The following GRM7 variants were observed in gnomAD, a reference collection of about 807,000 sequenced individuals.
GRM7 encodes the protein metabotropic glutamate receptor 7.
In GRM7, 35 loss-of-function variants were observed where a neutral mutation model predicts 84.5. That is an observed-to-expected ratio of 0.41 (90% CI 0.32 to 0.55). GRM7 has a LOEUF of 0.55. Among genes scored for constraint, GRM7 ranks in the 20% least tolerant of loss-of-function variants. The probability of loss-of-function intolerance (pLI) is 0.19; values close to 1 mark genes in which losing one functional copy is unlikely to be tolerated. For missense variants in GRM7, 1,003 were observed against 1,194.6 expected (o/e 0.84, Z 2.36); for synonymous variants, 487 against 455.1 (o/e 1.07, Z -0.89).
chr3:7,364,916 CACTT>C (rs1216174142), intron 4 of GRM7, among the ~76,000 whole-genome samples: 2 of 151,878 alleles, frequency 1.3e-5, no homozygotes, highest in Non-Finnish European at 2.9e-5. Flanking sequence ...GCATCCTACT[CACTT>C]ACCTGGTTCG....
At chr3:7,181,998 G>C (rs1695353757) in intron 2 of GRM7, among the ~76,000 whole-genome samples, 2 of 152,060 alleles carry the variant, frequency 1.3e-5, no homozygotes, top group Admixed American at 1.3e-4. Flanking sequence ...ATTAACAATG[G>C]CCTTGGTACA....
chr3:7,455,440 C>T (rs1044910875), intron 6 of GRM7, among the ~76,000 whole-genome samples: 8 of 152,002 alleles, frequency 5.3e-5, no homozygotes, highest in Non-Finnish European at 7.4e-5. Context: ...GGAGATAGCA[C>T]GTAAAAGAGG....
intron 4 of GRM7, among the ~76,000 whole-genome samples, chr3:7,339,995 T>C (rs1451127766): frequency 6.6e-6 from 1 of 152,156 alleles, no homozygotes; most frequent in Non-Finnish European, 1.5e-5. Flanking sequence ...ATAACTTTCC[T>C]AAAAATCATT....
chr3:7,059,066 C>T (rs1396167005), intron 1 of GRM7, among the ~76,000 whole-genome samples: 1 of 151,744 alleles, frequency 6.6e-6, no homozygotes, highest in African/African-American at 2.4e-5. Context: ...AATGTTAGTA[C>T]AGGTCTTTGA....
At chr3:7,145,310 GA>G (rs1285875690) in intron 1 of GRM7, among the ~76,000 whole-genome samples, 2 of 152,050 alleles carry the variant, frequency 1.3e-5, no homozygotes, top group Admixed American at 1.3e-4. Flanking sequence ...ATTCTTACGT[GA>G]AAATTAATTG....
chr3:7,284,911 A>G (rs1246531273), intron 2 of GRM7, among the ~76,000 whole-genome samples: 2 of 152,168 alleles, frequency 1.3e-5, no homozygotes, highest in East Asian at 3.8e-4. Context: ...ATTAAAGGAT[A>G]CCCAATAAAA....
chr3:7,442,380 T>C (rs1697325226), intron 5 of GRM7, among the ~76,000 whole-genome samples: 1 of 152,188 alleles, frequency 6.6e-6, no homozygotes, highest in Non-Finnish European at 1.5e-5. Context: ...ATGGGTCTTA[T>C]AGGAATGAAT....
intron 1 of GRM7, among the ~76,000 whole-genome samples, chr3:6,883,722 CAAGAAGTGAGTGGTTATGGGAG>C (rs1344242795): frequency 6.6e-6 from 1 of 152,278 alleles, no homozygotes; most frequent in Non-Finnish European, 1.5e-5. Flanking sequence ...AGCTTCACAG[CAAGAAGTGAGTGGTTATGGGAG>C]CAGGAAATAG....
At chr3:7,223,985 T>C (rs1397868713) in intron 2 of GRM7, among the ~76,000 whole-genome samples, 2 of 152,250 alleles carry the variant, frequency 1.3e-5, no homozygotes, top group African/African-American at 4.8e-5. Context: ...ATCTGTTGAC[T>C]AAGGGATTAT....
intron 7 of GRM7, among the ~76,000 whole-genome samples, chr3:7,467,806 T>C (rs181780013): frequency 8.6e-5 from 13 of 151,274 alleles, no homozygotes; most frequent in African/African-American, 2.7e-4. Context: ...TAATCAAAAA[T>C]GGAAAAAAAG....
At chr3:7,335,687 G>A (rs957044673) in intron 4 of GRM7, among the ~76,000 whole-genome samples, 2 of 151,674 alleles carry the variant, frequency 1.3e-5, no homozygotes, top group African/African-American at 2.4e-5. Flanking sequence ...GAAGAGAGAA[G>A]ATCCAAATAA....
chr3:7,168,712 C>G (rs1460347428), intron 2 of GRM7, among the ~76,000 whole-genome samples: 2 of 152,154 alleles, frequency 1.3e-5, no homozygotes, highest in Non-Finnish European at 2.9e-5. Context: ...AACAATTTAG[C>G]TGCCATTTAC....
chr3:7,039,387 C>T (rs955419048), intron 1 of GRM7, among the ~76,000 whole-genome samples: 1 of 152,130 alleles, frequency 6.6e-6, no homozygotes, highest in Non-Finnish European at 1.5e-5. Flanking sequence ...ACAGGTATCA[C>T]GGATTAAGAA....
chr3:6,885,212 A>G (rs1384833827), intron 1 of GRM7, among the ~76,000 whole-genome samples: 1 of 152,148 alleles, frequency 6.6e-6, no homozygotes, highest in Non-Finnish European at 1.5e-5. Flanking sequence ...AACGACTTTT[A>G]TTGAAGCAGT....
chr3:7,225,117 A>G (rs577110009), intron 2 of GRM7, among the ~76,000 whole-genome samples: 5 of 152,216 alleles, frequency 3.3e-5, no homozygotes, highest in African/African-American at 1.2e-4. Flanking sequence ...TACAAAGGAT[A>G]TTGAAATATA....
intron 4 of GRM7, among the ~76,000 whole-genome samples, chr3:7,320,394 A>T (rs1260605597): frequency 6.6e-6 from 1 of 152,060 alleles, no homozygotes; most frequent in African/African-American, 2.4e-5. Flanking sequence ...ACAGTTGTGG[A>T]GAAGTATGAT....
chr3:6,932,525 A>G (rs1697539587), intron 1 of GRM7, among the ~76,000 whole-genome samples: 1 of 152,142 alleles, frequency 6.6e-6, no homozygotes, highest in African/African-American at 2.4e-5. Context: ...TTAAAAACAT[A>G]ATTTGGGGAT....
chr3:7,665,027 A>G (rs889918504), intron 8 of GRM7, among the ~76,000 whole-genome samples: 2 of 152,192 alleles, frequency 1.3e-5, no homozygotes, highest in East Asian at 3.9e-4. Flanking sequence ...CACACCTTTT[A>G]TCATTTGGGA....
At chr3:6,973,265 C>G (rs1016995284) in intron 1 of GRM7, among the ~76,000 whole-genome samples, 1 of 151,932 alleles carries the variant, frequency 6.6e-6, no homozygotes, top group African/African-American at 2.4e-5. Flanking sequence ...CTCAATCATT[C>G]ATTCATTCCT....
Sources: allele counts gnomAD v4.1 joint callset (sites outside exome capture counted in the v4.1 genomes callset), GRCh38; gene constraint gnomAD v4.1.1; transcripts MANE v1.5; gene names NCBI Gene and HGNC (gene_info 2026-07-23, HGNC 2026-07-21).